IL1RAPL2: variants seen among roughly 807,000 people sequenced by gnomAD.
IL1RAPL2 encodes X-linked interleukin-1 receptor accessory protein-like 2.
Under a neutral mutation model 44.1 loss-of-function variants are expected in IL1RAPL2, and 3 were observed. The ratio of observed to expected loss-of-function variants is 0.07; its 90% CI spans 0.03 to 0.18. The LOEUF (loss-of-function observed/expected upper bound fraction) is 0.18. IL1RAPL2 is among the 10% of genes least tolerant of loss of function. The probability of loss-of-function intolerance (pLI) is 1.00; values close to 1 mark genes in which losing one functional copy is unlikely to be tolerated. For synonymous variants in IL1RAPL2, 181 were observed against 178.8 expected (o/e 1.01, Z -0.10); for missense variants, 391 against 496.4 (o/e 0.79, Z 2.02).
At chrX:104,863,851 G>A (rs1400519433) in intron 2 of IL1RAPL2, among the ~76,000 whole-genome samples, 1 of 112,090 alleles carries the variant, frequency 8.9e-6, no homozygotes, top group Admixed American at 9.5e-5. Flanking sequence ...TTGAAGAGAA[G>A]CACAGTTCAT....
intron 2 of IL1RAPL2, among the ~76,000 whole-genome samples, chrX:105,050,919 G>A (rs2031912094): frequency 8.9e-6 from 1 of 112,402 alleles, no homozygotes; most frequent in Admixed American, 9.4e-5. Flanking sequence ...TTGTGCAGCT[G>A]GTCATCCAGT....
chrX:104,714,013 A>G (rs1931509167), intron 2 of IL1RAPL2, among the ~76,000 whole-genome samples: 1 of 111,085 alleles, frequency 9.0e-6, no homozygotes, highest in Admixed American at 9.6e-5. Flanking sequence ...GCTTAAGAAA[A>G]TTTTGAGACT....
intron 2 of IL1RAPL2, among the ~76,000 whole-genome samples, chrX:105,115,863 G>T: frequency 8.8e-6 from 1 of 113,176 alleles, no homozygotes; most frequent in East Asian, 2.8e-4. Context: ...GGGAGGCTCA[G>T]GCATGGGGGC....
intron 3 of IL1RAPL2, among the ~76,000 whole-genome samples, chrX:105,224,662 T>C (rs1314997463): frequency 8.9e-6 from 1 of 112,023 alleles, no homozygotes; most frequent in East Asian, 2.8e-4. Flanking sequence ...GTGTTTTGCA[T>C]TGTGACCCAG....
chrX:105,259,983 A>G (rs1385822009), intron 4 of IL1RAPL2, among the ~76,000 whole-genome samples: 1 of 112,229 alleles, frequency 8.9e-6, no homozygotes, highest in African/African-American at 3.2e-5. Context: ...TGGAGGCTAC[A>G]AAACAGCAAA....
At chrX:104,596,309 G>T (rs1352772127) in intron 1 of IL1RAPL2, among the ~76,000 whole-genome samples, 2 of 111,519 alleles carry the variant, frequency 1.8e-5, no homozygotes, top group African/African-American at 6.5e-5. Context: ...TAAAACCACT[G>T]TGATTTGTTG....
intron 6 of IL1RAPL2, among the ~76,000 whole-genome samples, chrX:105,591,548 T>G (rs2037171687): frequency 9.0e-6 from 1 of 111,385 alleles, no homozygotes; most frequent in Admixed American, 9.6e-5. Context: ...TTTATGTGGG[T>G]GTTTAGTGCT....
At chrX:104,622,026 T>C (rs1929410110) in intron 1 of IL1RAPL2, among the ~76,000 whole-genome samples, 1 of 110,965 alleles carries the variant, frequency 9.0e-6, no homozygotes, top group Admixed American at 9.7e-5. Flanking sequence ...ATCATGTCAT[T>C]TAGAGCATCT....
chrX:105,596,552 G>C (rs942683006), intron 6 of IL1RAPL2, among the ~76,000 whole-genome samples: 1 of 111,815 alleles, frequency 8.9e-6, no homozygotes, highest in Non-Finnish European at 1.9e-5. Flanking sequence ...TCTTAAATTA[G>C]TTAAGACATG....
chrX:105,386,893 C>A (rs997150309), intron 5 of IL1RAPL2, among the ~76,000 whole-genome samples: 2 of 111,468 alleles, frequency 1.8e-5, no homozygotes, highest in African/African-American at 6.5e-5. Flanking sequence ...AAGTGTTTTA[C>A]CTCCCTGGAC....
At chrX:105,347,040 T>G (rs1041703055) in intron 5 of IL1RAPL2, among the ~76,000 whole-genome samples, 3 of 112,024 alleles carry the variant, frequency 2.7e-5, no homozygotes, top group African/African-American at 9.7e-5. Context: ...CTCCCATTCA[T>G]AAAACTGCAT....
intron 6 of IL1RAPL2, among the ~76,000 whole-genome samples, chrX:105,520,871 C>T (rs1462799096): frequency 9.3e-6 from 1 of 107,537 alleles, no homozygotes; most frequent in Non-Finnish European, 1.9e-5. Flanking sequence ...TATTTTTACA[C>T]CTGATCTTAG....
At chrX:105,428,878 G>A (rs923610820) in intron 5 of IL1RAPL2, among the ~76,000 whole-genome samples, 2 of 111,218 alleles carry the variant, frequency 1.8e-5, no homozygotes, top group Non-Finnish European at 3.8e-5. Flanking sequence ...TGAAAATTTG[G>A]TAGGCTATGC....
chrX:105,012,472 T>C (rs573610901), intron 2 of IL1RAPL2, among the ~76,000 whole-genome samples: 11 of 110,470 alleles, frequency 1.0e-4, no homozygotes, highest in African/African-American at 3.6e-4. Flanking sequence ...CTTTAAGCAA[T>C]AATTGAGTTC....
At chrX:105,061,394 CAGATA>C (rs1452855043) in intron 2 of IL1RAPL2, among the ~76,000 whole-genome samples, 1 of 111,789 alleles carries the variant, frequency 8.9e-6, no homozygotes, top group African/African-American at 3.2e-5. Context: ...CCCTTATAGT[CAGATA>C]AGATGCTTGA....
At chrX:105,047,168 A>G (rs1422596563) in intron 2 of IL1RAPL2, among the ~76,000 whole-genome samples, 2 of 111,056 alleles carry the variant, frequency 1.8e-5, no homozygotes, top group African/African-American at 6.6e-5. Flanking sequence ...GAGTTCTTTT[A>G]TTTTTGAATG....
At chrX:104,740,037 A>C (rs1366983663) in intron 2 of IL1RAPL2, among the ~76,000 whole-genome samples, 2 of 111,284 alleles carry the variant, frequency 1.8e-5, no homozygotes, top group East Asian at 2.9e-4. Flanking sequence ...AAGTGGGTAA[A>C]AGTAGTATTT....
At chrX:104,856,721 G>A (rs1259567728) in intron 2 of IL1RAPL2, among the ~76,000 whole-genome samples, 1 of 111,936 alleles carries the variant, frequency 8.9e-6, no homozygotes, top group Non-Finnish European at 1.9e-5. Context: ...ATGGAGATTG[G>A]TAGCTTTTAT....
intron 6 of IL1RAPL2, among the ~76,000 whole-genome samples, chrX:105,624,769 A>G (rs1003224883): frequency 9.0e-5 from 10 of 111,619 alleles, no homozygotes; most frequent in Non-Finnish European, 1.9e-4. Context: ...ACTATGGATT[A>G]ACTCTGCTAC....
Sources: allele counts gnomAD v4.1 joint callset (sites outside exome capture counted in the v4.1 genomes callset), GRCh38; gene constraint gnomAD v4.1.1; transcripts MANE v1.5; gene names NCBI Gene and HGNC (gene_info 2026-07-23, HGNC 2026-07-21).